Variants in UNC13C observed in about 807,000 individuals in gnomAD.
The protein encoded by UNC13C is protein unc-13 homolog C.
UNC13C carries 174 observed loss-of-function variants against 245.4 expected under a neutral mutation model. The observed-to-expected ratio is 0.71, with a 90% confidence interval of 0.63 to 0.80. UNC13C has a LOEUF of 0.80. Ranked by LOEUF, UNC13C falls within the 30% of genes least tolerant of loss-of-function variation. The pLI is 0.00. For missense variants in UNC13C, 2,829 were observed against 2,602.9 expected (o/e 1.09, Z -1.89); for synonymous variants, 992 against 895.1 (o/e 1.11, Z -1.93).
chr15:54,379,526 T>A (rs2140896622), intron 17 of UNC13C, among the ~76,000 whole-genome samples: 1 of 152,304 alleles, frequency 6.6e-6, no homozygotes, highest in Admixed American at 6.5e-5. Context: ...TTATTATAAG[T>A]TACCTTTTAC....
intron 30 of UNC13C, among the ~76,000 whole-genome samples, chr15:54,573,278 G>A (rs537722788): frequency 1.3e-5 from 2 of 152,002 alleles, no homozygotes; most frequent in African/African-American, 2.4e-5. Context: ...AGATTTGGAT[G>A]TCATCTTTCT....
At position 54,015,102 on chromosome 15, in the gene UNC13C, G is replaced by A. The variant is rs369848419; in HGVS notation, c.2199G>A (p.Gln733=). The change falls in exon 2 of 33, where the codon CAG becomes CAA. Residue 733 remains glutamine (Q), a synonymous_variant. Transcript: ENST00000260323. ...CPGLDNEPQG[Q]WVGQYDSYQG... ...GCTTGGATAATGAACCACAAGGCCA[G>A]TGGGTTGGCCAATATGATTCTTATC... The A allele has an allele frequency of 2.0e-5, 32 of 1,612,690 alleles. No individual in the cohort carries two copies. The highest frequency in any genetic ancestry group is 2.5e-5 in the Non-Finnish European group (30 of 1,179,426).
chr15:54,576,100 G>T (rs1172110858), intron 30 of UNC13C, among the ~76,000 whole-genome samples: 2 of 152,242 alleles, frequency 1.3e-5, no homozygotes, highest in African/African-American at 4.8e-5. Flanking sequence ...CACTAACCAA[G>T]TTGTCTACCT....
chr15:54,231,035 T>C (rs1015078838), intron 4 of UNC13C, among the ~76,000 whole-genome samples: 5 of 152,084 alleles, frequency 3.3e-5, no homozygotes, highest in African/African-American at 1.2e-4. Flanking sequence ...CTGTCTGTAA[T>C]GCCTATAGTC....
chr15:54,056,469 CA>C (rs2141065192), intron 2 of UNC13C, among the ~76,000 whole-genome samples: 1 of 152,154 alleles, frequency 6.6e-6, no homozygotes, highest in South Asian at 2.1e-4. Context: ...GTGAAAAGAC[CA>C]AATCTACATC....
intron 15 of UNC13C, among the ~76,000 whole-genome samples, chr15:54,332,385 A>G (rs926684508): frequency 2.0e-5 from 3 of 151,188 alleles, no homozygotes; most frequent in Admixed American, 1.3e-4. Flanking sequence ...TAAAATAGCC[A>G]TCAGATTCAA....
chr15:53,975,459 T>C (rs548937646), upstream of UNC13C, among the ~76,000 whole-genome samples: 76 of 152,304 alleles, frequency 5.0e-4, 1 homozygote, highest in African/African-American at 1.8e-3. Flanking sequence ...AAAAATATAA[T>C]AGTGAGGTTC....
At chr15:54,159,968 A>G (rs955291773) in intron 4 of UNC13C, among the ~76,000 whole-genome samples, 5 of 152,166 alleles carry the variant, frequency 3.3e-5, no homozygotes, top group Non-Finnish European at 7.4e-5. Flanking sequence ...TGGGCAAAAC[A>G]TCAATTGTAT....
At position 53,992,101 on chromosome 15, in the gene UNC13C, G is replaced by A. The variant is rs116589484; in HGVS notation, c.-257+13174G>A. On this transcript the variant is annotated intron_variant, in intron 1 of 32. Coordinates refer to ENST00000260323, the MANE Select transcript of UNC13C (RefSeq NM_001080534.3). ...TTTCAACCTTTTAAGAATTACTCTC[G>A]TTTTGTGTTAACATGCCTCCTATGG... Among the ~76,000 whole-genome samples, 255 of 152,042 alleles carry A rather than the reference G, an allele frequency of 1.7e-3. 2 individuals are homozygous for A. Among genetic ancestry groups the A allele is most frequent in the African/African-American group, 6.0e-3 (249 of 41,468 alleles).
At position 54,289,346 on chromosome 15, in the gene UNC13C, G is replaced by C. The variant is rs114273523; in HGVS notation, c.3819-4549G>C. Among the ~76,000 whole-genome samples the C allele has an allele frequency of 8.8e-3, 1,341 of 152,104 alleles. 13 individuals are homozygous for C. The highest frequency in any genetic ancestry group is 0.031 in the African/African-American group (1,286 of 41,512). On this transcript the variant is annotated intron_variant, in intron 10 of 32. Coordinates refer to ENST00000260323, the MANE Select transcript of UNC13C (RefSeq NM_001080534.3). ...TCCCACCATTCCCACTAATAAAAAA[G>C]CTTCAGGTGGCATGGTGGTCAAAGT...
At chr15:54,410,960 G>T (rs1414211957) in intron 18 of UNC13C, among the ~76,000 whole-genome samples, 8 of 152,164 alleles carry the variant, frequency 5.3e-5, no homozygotes, top group Admixed American at 2.0e-4. Context: ...ATGTGTCAGA[G>T]TTCCAGCTCC....
At chr15:54,021,337 C>G (rs778138421) in intron 2 of UNC13C, among the ~76,000 whole-genome samples, 2 of 152,124 alleles carry the variant, frequency 1.3e-5, no homozygotes, top group Non-Finnish European at 2.9e-5. Flanking sequence ...TCCCTTTTCC[C>G]ACCTCACTCT....
At chr15:54,624,061 C>T in intron 32 of UNC13C, 107 bp downstream of exon 32, 1 of 1,377,260 alleles carries the variant, frequency 7.3e-7, no homozygotes, top group Non-Finnish European at 1.0e-6. Context: ...GAAGAAGGCT[C>T]TGTTTTTAGT....
At chr15:53,943,672 A>G in the UNC13C span, among the ~76,000 whole-genome samples, 3 of 152,154 alleles carry the variant, frequency 2.0e-5, no homozygotes, top group Non-Finnish European at 2.9e-5. Flanking sequence ...AAATTATAGT[A>G]TTGTACTTCA....
At chr15:54,181,555 T>C (rs1421288765) in intron 4 of UNC13C, among the ~76,000 whole-genome samples, 1 of 152,036 alleles carries the variant, frequency 6.6e-6, no homozygotes, top group Non-Finnish European at 1.5e-5. Context: ...ATGTGAATTT[T>C]AGAGTAGTTT....
At chr15:54,055,319 T>A (rs1897461474) in intron 2 of UNC13C, among the ~76,000 whole-genome samples, 1 of 152,206 alleles carries the variant, frequency 6.6e-6, no homozygotes, top group South Asian at 2.1e-4. Flanking sequence ...TATCATATCA[T>A]TAGTCTTGTC....
intron 30 of UNC13C, among the ~76,000 whole-genome samples, chr15:54,615,651 C>T (rs188900917): frequency 1.3e-5 from 2 of 152,148 alleles, no homozygotes; most frequent in Admixed American, 6.6e-5. Context: ...TAGATAATGA[C>T]TGTCTACATC....
chr15:54,467,217 TAACTC>T (rs1892223511), intron 19 of UNC13C, among the ~76,000 whole-genome samples: 1 of 151,782 alleles, frequency 6.6e-6, no homozygotes, highest in African/African-American at 2.4e-5. Context: ...TAAATTTAAA[TAACTC>T]AAGAAGAATT....
At chr15:54,126,800 A>G (rs1318893371) in intron 2 of UNC13C, among the ~76,000 whole-genome samples, 1 of 152,222 alleles carries the variant, frequency 6.6e-6, no homozygotes, top group Non-Finnish European at 1.5e-5. Flanking sequence ...AAATTTTTGC[A>G]ATCTATCCAT....
Sources: allele counts gnomAD v4.1 joint callset (sites outside exome capture counted in the v4.1 genomes callset), GRCh38; gene constraint gnomAD v4.1.1; transcripts MANE v1.5; gene names NCBI Gene and HGNC (gene_info 2026-07-23, HGNC 2026-07-21).